S100A7A: variants seen among roughly 807,000 people sequenced by gnomAD.
The protein encoded by S100A7A is S100 calcium binding protein A7A, also known as protein S100-A7A.
Under a neutral mutation model 4.0 loss-of-function variants are expected in S100A7A, and 5 were observed. That is an observed-to-expected ratio of 1.26 (90% CI 0.66 to 2.66). The LOEUF is 2.66. Among genes scored for constraint, S100A7A ranks in the 30% most tolerant of loss-of-function variants. The probability of loss-of-function intolerance (pLI) is 0.01; values close to 1 mark genes in which losing one functional copy is unlikely to be tolerated. For synonymous variants in S100A7A, 52 were observed against 46.4 expected, an observed-to-expected ratio of 1.12 and a Z score of -0.49; for missense variants, 159 against 125.1, an observed-to-expected ratio of 1.27 and a Z score of -1.29.
At position 153,419,400 on chromosome 1, in the gene S100A7A, G is replaced by A. The variant is rs1571185899; in HGVS notation, c.*91G>A. ...TGCCTTATTTCTTCTTCTCTTTGGTGACCTACATTGTCAAAACTACCAATT... is the reference window on the plus strand; with the variant it reads ...TGCCTTATTTCTTCTTCTCTTTGGTAACCTACATTGTCAAAACTACCAATT... On this transcript the variant is annotated 3_prime_UTR_variant, in exon 3 of 3. Coordinates refer to ENST00000368729, the MANE Select transcript of S100A7A (RefSeq NM_176823.4). 1.4e-6 allele frequency: 2 copies of A among 1,393,188 alleles called. No individual in the cohort carries two copies. Among genetic ancestry groups the A allele is most frequent in the Admixed American group, 2.4e-5 (1 of 41,588 alleles). 86.3% of individuals were successfully genotyped at this position (1,393,188 alleles called of 1,614,324 possible). A position where few individuals can be genotyped will look rare whatever the true frequency, so the allele number is the denominator to read the frequency against.
intron 2 of S100A7A, 103 bp downstream of exon 2, chr1:153,418,326 A>C: frequency 6.7e-7 from 1 of 1,489,970 alleles, no homozygotes; most frequent in Non-Finnish European, 9.1e-7. Flanking sequence ...CTCTGATTAA[A>C]AAGTTTCCCA....
intron 2 of S100A7A, among the ~76,000 whole-genome samples, chr1:153,418,738 A>G (rs1005357890): frequency 1.3e-5 from 2 of 152,200 alleles, no homozygotes; most frequent in African/African-American, 4.8e-5. Flanking sequence ...TTGGTGGAAA[A>G]GGAGAAGAAA....
At chr1:153,418,295 C>T (rs1355999693) in intron 2 of S100A7A, 72 bp downstream of exon 2, 1 of 1,589,888 alleles carries the variant, frequency 6.3e-7, no homozygotes, top group Non-Finnish European at 8.6e-7. Flanking sequence ...GCTATGTGGC[C>T]TTGGACAGGT....
rs1378199937 is a variant in S100A7A at position 153,418,132 on chromosome 1, T to C, written c.50T>C (p.Phe17Ser). 1.2e-6 allele frequency: 2 copies of C among 1,614,138 alleles called. No homozygotes were observed. Among genetic ancestry groups the C allele is most frequent in the Non-Finnish European group, 1.7e-6 (2 of 1,179,994 alleles). ...TCCATAATAGGCATGATCGACATGT[T>C]TCACAAATACACCGGACGTGATGGC... Reference protein sequence around the residue: ...ERSIIGMIDMFHKYTGRDGKI... With the variant: ...ERSIIGMIDMSHKYTGRDGKI... Residue 17 changes from phenylalanine to serine, a missense_variant, in exon 2 of 3, where the codon TTT (phenylalanine) becomes TCT (serine). Coordinates refer to ENST00000368729, the MANE Select transcript of S100A7A (RefSeq NM_176823.4).
chr1:153,418,728 T>C (rs572798767), intron 2 of S100A7A, among the ~76,000 whole-genome samples: 4 of 151,984 alleles, frequency 2.6e-5, no homozygotes, highest in Non-Finnish European at 5.9e-5. Flanking sequence ...GAAGATGAGT[T>C]TGGTGGAAAA....
intron 1 of S100A7A, 109 bp downstream of exon 1, chr1:153,416,672 C>T (rs1662726023): frequency 3.2e-6 from 1 of 308,666 alleles, no homozygotes; most frequent in African/African-American, 2.2e-5. Context: ...AAGCCTGGGT[C>T]TAGGCCAGCT....
chr1:153,417,843 C>G, intron 1 of S100A7A: 1 of 503,682 alleles, frequency 2.0e-6, no homozygotes, highest in Non-Finnish European at 3.5e-6. Context: ...TTCTGCCATC[C>G]ACCTGCATCT....
chr1:153,416,793 A>G (rs1158372222), intron 1 of S100A7A, among the ~76,000 whole-genome samples: 1 of 151,790 alleles, frequency 6.6e-6, no homozygotes, highest in African/African-American at 2.4e-5. Context: ...TCCTGAGACA[A>G]CTCCTGTGGA....
In S100A7A at chr1:153,417,592, C is replaced by T. The variant is rs150511267; in HGVS notation, c.-17-474C>T. ...TGCACTTGAGTCAAGGTGGGGCCCA[C>T]GGTGTCTGGTTCCTGAAGCAGCCGA... On this transcript the variant is annotated intron_variant, in intron 1 of 2. Coordinates refer to ENST00000368729, the MANE Select transcript of S100A7A (RefSeq NM_176823.4). Among the ~76,000 whole-genome samples the T allele has an allele frequency of 7.7e-3, 1,180 of 152,326 alleles. 17 individuals are homozygous for T. Among genetic ancestry groups the T allele is most frequent in the African/African-American group, 0.027 (1,104 of 41,566 alleles).
rs1488161499 is a variant in S100A7A at position 153,419,184 on chromosome 1, A to G, written c.181A>G (p.Lys61Glu). 3.1e-6 allele frequency: 5 copies of G among 1,614,028 alleles called. No homozygotes were observed. In the Admixed American group the frequency reaches 5.0e-5, roughly 16 times the overall value. Reference protein sequence around the residue: ...GIHYLATVFEKKDKNEDKKID... With the variant: ...GIHYLATVFEEKDKNEDKKID... ...ACATTACCTCGCCACTGTCTTTGAGAAAAAGGACAAGAATGAGGATAAGAA... is the reference window on the plus strand; with the variant it reads ...ACATTACCTCGCCACTGTCTTTGAGGAAAAGGACAAGAATGAGGATAAGAA... The change falls in exon 3 of 3, where the codon AAA becomes GAA. Residue 61 changes from lysine (K) to glutamate (E), a missense_variant. By Grantham distance (56) the Lys-to-Glu change is moderately conservative. Coordinates refer to ENST00000368729, the MANE Select transcript of S100A7A (RefSeq NM_176823.4).
chr1:153,419,050 G>A, intron 2 of S100A7A, 95 bp from the exon 3 acceptor site: 3 of 1,330,168 alleles, frequency 2.3e-6, no homozygotes, highest in Non-Finnish European at 3.2e-6. Context: ...GCAGATCTAG[G>A]TACTTGTCTG....
At chr1:153,417,660 C>A (rs1415947234) in intron 1 of S100A7A, among the ~76,000 whole-genome samples, 1 of 152,184 alleles carries the variant, frequency 6.6e-6, no homozygotes, top group Non-Finnish European at 1.5e-5. Context: ...GTCCTGCCCC[C>A]GTGACTCTCA....
At chr1:153,416,649 G>A (rs1662725208) in intron 1 of S100A7A, 86 bp downstream of exon 1, 4 of 359,972 alleles carry the variant, frequency 1.1e-5, no homozygotes, top group South Asian at 2.6e-5. Context: ...AAGGGCTGTG[G>A]ACAAAGTCTC....
In S100A7A at chr1:153,418,203, C is replaced by G; in HGVS notation, c.121C>G (p.Pro41Ala). Residue 41 changes from proline to alanine, a missense_variant, in exon 2 of 3, where the codon CCC becomes GCC. Coordinates refer to ENST00000368729, the MANE Select transcript of S100A7A (RefSeq NM_176823.4). Reference protein sequence around the residue: ...SLLTMMKENFPNFLSACDKKG... With the variant: ...SLLTMMKENFANFLSACDKKG... ...GCTGACGATGATGAAGGAGAACTTC[C>G]CCAATTTCCTCAGTGCCTGTGTGAG... 1.2e-6 allele frequency: 2 copies of G among 1,613,950 alleles called. No individual in the cohort carries two copies. Among genetic ancestry groups the G allele is most frequent in the Non-Finnish European group, 8.5e-7 (1 of 1,179,890 alleles).
At chr1:153,418,668 G>C (rs1662804738) in intron 2 of S100A7A, among the ~76,000 whole-genome samples, 1 of 152,194 alleles carries the variant, frequency 6.6e-6, no homozygotes, top group Non-Finnish European at 1.5e-5. Context: ...GAAAAAACCT[G>C]TGGGCTACTA....
Position 153,422,553 on chromosome 1 carries a change from A to G in S100A7A, c.*3244A>G, listed in dbSNP as rs1038224224. 1 of 984,958 alleles carries G rather than the reference A, an allele frequency of 1.0e-6. No homozygotes were observed. The highest frequency in any genetic ancestry group is 6.1e-5 in the Admixed American group (1 of 16,266). The allele number at this position is 984,958 out of a possible 1,614,324, so 61.0% of individuals were successfully genotyped here. A position where few individuals can be genotyped will look rare whatever the true frequency, so the allele number is the denominator to read the frequency against. On this transcript the variant is annotated 3_prime_UTR_variant, in exon 3 of 3. Transcript: ENST00000368729. ...ATGTGAAAGAGATTCTGGAAATCCA[A>G]ATGTTCCCCAGAAATTCTGATATCA...
In S100A7A at chr1:153,419,128, T is replaced by A; in HGVS notation, c.142-17T>A. On this transcript the variant is annotated splice_polypyrimidine_tract_variant and intron_variant, in intron 2 of 2. Coordinates refer to ENST00000368729, the MANE Select transcript of S100A7A (RefSeq NM_176823.4). Reference sequence around the variant, plus strand: ...TGTGATTGAATTTTTCTATTTTGTATGTTTTTCTCTTCACAGGACAAAAAG... The same window carrying A: ...TGTGATTGAATTTTTCTATTTTGTAAGTTTTTCTCTTCACAGGACAAAAAG... 6.2e-7 allele frequency: 1 copy of A among 1,610,010 alleles called. No homozygotes were observed. The highest frequency in any genetic ancestry group is 8.5e-7 in the Non-Finnish European group (1 of 1,177,894).
chr1:153,417,694 A>G (rs1662761232), intron 1 of S100A7A, among the ~76,000 whole-genome samples: 2 of 151,976 alleles, frequency 1.3e-5, no homozygotes, highest in Non-Finnish European at 2.9e-5. Flanking sequence ...GCTGGAGGAG[A>G]TGGATTTGGT....
At chr1:153,418,836 A>G (rs1351427850) in intron 2 of S100A7A, among the ~76,000 whole-genome samples, 1 of 152,168 alleles carries the variant, frequency 6.6e-6, no homozygotes, top group African/African-American at 2.4e-5. Context: ...GTGCCCTTAA[A>G]TGCTGGGAAC....
Sources: gnomAD v4.1 joint callset for allele counts (sites outside exome capture counted in the v4.1 genomes callset) on GRCh38, gnomAD v4.1.1 for gene constraint, MANE v1.5 for transcripts, NCBI Gene and HGNC (gene_info 2026-07-23, HGNC 2026-07-21) for gene names.